The following NAA38 variants were observed in gnomAD, a reference collection of about 807,000 sequenced individuals.
The protein encoded by NAA38 is N-alpha-acetyltransferase 38, NatC auxiliary subunit.
NAA38 carries 15 observed loss-of-function variants against 12.6 expected under a neutral mutation model. The observed-to-expected ratio is 1.19, with a 90% CI of 0.79 to 1.83. The LOEUF (loss-of-function observed/expected upper bound fraction) is 1.83, where lower values mean the gene tolerates loss of function less well. Among genes scored for constraint, NAA38 ranks in the 40% most tolerant of loss-of-function variants. The pLI is 0.00. For missense variants in NAA38, 183 were observed against 171.7 expected (o/e 1.07, Z -0.37); for synonymous variants, 88 against 69.9 (o/e 1.26, Z -1.29).
upstream of NAA38, chr17:7,857,931 T>C (rs991521346): frequency 4.6e-5 from 66 of 1,428,282 alleles, 1 homozygote; most frequent in Middle Eastern, 7.7e-4. Context: ...TCATACTACG[T>C]TTCCCGTGAA....
chr17:7,873,620 G>A (rs1302919211), intron 2 of NAA38, among the ~76,000 whole-genome samples: 1 of 152,164 alleles, frequency 6.6e-6, no homozygotes, highest in Non-Finnish European at 1.5e-5. Context: ...GGAAATAAAG[G>A]ACTGAGTTAG....
At chr17:7,884,727 AG>A in intron 1 of NAA38, 1 of 215,866 alleles carries the variant, frequency 4.6e-6, no homozygotes, top group Non-Finnish European at 7.9e-6. Flanking sequence ...GAGGAGGAGG[AG>A]GAGGAGGTGG....
chr17:7,884,756 G>A, intron 1 of NAA38: 1 of 325,180 alleles, frequency 3.1e-6, no homozygotes. Flanking sequence ...AGCGGTGGGG[G>A]AGGCGGGCGG....
chr17:7,877,911 G>T (rs1164827621), intron 2 of NAA38, among the ~76,000 whole-genome samples: 2 of 152,104 alleles, frequency 1.3e-5, no homozygotes, highest in Admixed American at 1.3e-4. Context: ...AAAGATAAAA[G>T]TTCAAGTCCT....
chr17:7,884,695 C>CCAG (rs1555603034), intron 1 of NAA38: 1 of 267,724 alleles, frequency 3.7e-6, no homozygotes, highest in Non-Finnish European at 6.5e-6. Context: ...ACGCCGCCGC[C>CCAG]GAGGAGGAGG....
chr17:7,885,307 C>CCCGCCGCCCCCCTCCCCCG (rs1967669801), upstream of NAA38: 1 of 157,218 alleles, frequency 6.4e-6, no homozygotes, highest in Admixed American at 7.6e-5. Context: ...GCACCCCTCC[C>CCCGCCGCCCCCCTCCCCCG]CCGCCGCCGC....
At chr17:7,874,196 A>G (rs568350746) in intron 2 of NAA38, among the ~76,000 whole-genome samples, 22 of 152,316 alleles carry the variant, frequency 1.4e-4, no homozygotes, top group Non-Finnish European at 2.5e-4. Flanking sequence ...AAGGGACTAC[A>G]TTGTCTCATG....
upstream of NAA38, chr17:7,859,080 T>C: frequency 3.5e-6 from 2 of 570,796 alleles, no homozygotes; most frequent in Admixed American, 3.3e-5. Flanking sequence ...ATGGTGGTCC[T>C]TCGAAGCTCT....
upstream of NAA38, chr17:7,858,806 G>A (rs1597873311): frequency 1.3e-6 from 2 of 1,555,592 alleles, no homozygotes; most frequent in South Asian, 2.4e-5. Flanking sequence ...CGCTCACGTC[G>A]CAGGAGCACA....
chr17:7,871,894 AC>A (rs1205907986), intron 2 of NAA38, among the ~76,000 whole-genome samples: 1 of 152,092 alleles, frequency 6.6e-6, no homozygotes, highest in Non-Finnish European at 1.5e-5. Context: ...ACCTCAAGTG[AC>A]CCACCCACCT....
intron 2 of NAA38, among the ~76,000 whole-genome samples, chr17:7,879,875 G>C (rs1261187788): frequency 6.6e-6 from 1 of 151,986 alleles, no homozygotes; most frequent in African/African-American, 2.4e-5. Context: ...TGGAAACACA[G>C]AAGGAGAGAT....
At chr17:7,880,534 A>T (rs1967253974) in intron 2 of NAA38, among the ~76,000 whole-genome samples, 1 of 152,174 alleles carries the variant, frequency 6.6e-6, no homozygotes, top group Non-Finnish European at 1.5e-5. Context: ...ATCAGGAGAA[A>T]GCTTTTTAGA....
intron 1 of NAA38, chr17:7,885,123 G>A (rs965396549): frequency 1.0e-6 from 1 of 983,088 alleles, no homozygotes; most frequent in Non-Finnish European, 1.2e-6. Flanking sequence ...GCCCGAGTGG[G>A]AGCCGCGGGC....
At chr17:7,861,903 C>T (rs552096803), upstream of NAA38, 8 of 152,236 alleles carry the variant, frequency 5.3e-5, no homozygotes, top group South Asian at 2.1e-4. Flanking sequence ...AGGCTCATCT[C>T]GCAACACCCC....
intron 2 of NAA38, among the ~76,000 whole-genome samples, chr17:7,875,601 C>CA (rs1246232719): frequency 6.6e-6 from 1 of 152,154 alleles, no homozygotes; most frequent in Admixed American, 6.5e-5. Context: ...TCCCAAAGTG[C>CA]ACTGGGATTA....
At position 7,857,135 on chromosome 17, in the gene NAA38, G is replaced by T. The variant is rs1170546356; in HGVS notation, c.145C>A (p.Leu49Ile). ...ATGCGAATGCGCATAGTCTTGTTGAGCAGCGCCTCTAGCTGCTGTCGGGCG... is the reference window on the plus strand; with the variant it reads ...ATGCGAATGCGCATAGTCTTGTTGATCAGCGCCTCTAGCTGCTGTCGGGCG... ...ERARQQLEALLNKTMRIRMTD... is the reference protein window; with the variant it reads ...ERARQQLEALINKTMRIRMTD... The change falls in exon 2 of 3, where the codon CTC (leucine) becomes ATC (isoleucine). Residue 49 changes from leucine to isoleucine, a missense_variant. Coordinates refer to ENST00000575771, the MANE Select transcript of NAA38 (RefSeq NM_001320925.4). 1 of 1,613,290 alleles carries T rather than the reference G, an allele frequency of 6.2e-7. No homozygotes were observed. Among genetic ancestry groups the T allele is most frequent in the South Asian group, 1.1e-5 (1 of 91,092 alleles).
chr17:7,884,001 A>AT (rs1597887725), intron 1 of NAA38, among the ~76,000 whole-genome samples: 1 of 151,544 alleles, frequency 6.6e-6, no homozygotes, highest in Non-Finnish European at 1.5e-5. Context: ...CCCCTCAAAT[A>AT]TTTTTTATAA....
chr17:7,857,326 C>T (rs1169650189), intron 1 of NAA38, 57 bp downstream of exon 1: 4 of 1,612,964 alleles, frequency 2.5e-6, no homozygotes, highest in Non-Finnish European at 3.4e-6. Context: ...AGTTCCCCAC[C>T]CCCTCCATCT....
At chr17:7,880,778 C>T (rs921905719) in intron 2 of NAA38, among the ~76,000 whole-genome samples, 8 of 152,242 alleles carry the variant, frequency 5.3e-5, no homozygotes, top group Admixed American at 4.6e-4. Flanking sequence ...AGTGATGAAG[C>T]GACCAACAAA....
Sources: gnomAD v4.1 joint callset for allele counts (sites outside exome capture counted in the v4.1 genomes callset) on GRCh38, gnomAD v4.1.1 for gene constraint, MANE v1.5 for transcripts, NCBI Gene and HGNC (gene_info 2026-07-23, HGNC 2026-07-21) for gene names.